The following TECPR2 variants were observed in gnomAD, a reference collection of about 807,000 sequenced individuals.
TECPR2 encodes tectonin beta-propeller repeat containing 2.
TECPR2 carries 65 observed loss-of-function variants against 138.1 expected under a neutral mutation model. The observed-to-expected ratio is 0.47, with a 90% CI of 0.39 to 0.58. The LOEUF is 0.58. Ranked by LOEUF, TECPR2 falls within the 20% of genes least tolerant of loss-of-function variation. The pLI is 0.00. For missense variants in TECPR2, 1,553 were observed against 1,824.5 expected (o/e 0.85, Z 2.71); for synonymous variants, 746 against 749.8 (o/e 0.99, Z 0.08).
chr14:102,487,106 A>C (rs190258647), intron 17 of TECPR2, among the ~76,000 whole-genome samples: 1 of 152,202 alleles, frequency 6.6e-6, no homozygotes, highest in Non-Finnish European at 1.5e-5. Context: ...CGGGGATTCA[A>C]GGTTAAAACA....
Position 102,497,731 on chromosome 14 carries a change from G to A in TECPR2, c.4081+12G>A. 1 of 1,595,060 alleles carries A rather than the reference G, an allele frequency of 6.3e-7. No homozygotes were observed. Among genetic ancestry groups the A allele is most frequent in the Non-Finnish European group, 8.6e-7 (1 of 1,168,796 alleles). ...GTCGTGTTTCACAGGCAGGTGCCCG[G>A]GGCCAGTGGGCTTAAGGCCCCTTGG... On this transcript the variant is annotated intron_variant, in intron 19 of 19. Coordinates refer to ENST00000359520, the MANE Select transcript of TECPR2 (RefSeq NM_014844.5).
intron 7 of TECPR2, among the ~76,000 whole-genome samples, chr14:102,429,600 C>T (rs1275511476): frequency 6.6e-6 from 1 of 152,210 alleles, no homozygotes; most frequent in Non-Finnish European, 1.5e-5. Context: ...CAACAACAGC[C>T]ATGTGGACCC....
chr14:102,438,429 A>C (rs1161701843), intron 10 of TECPR2: 1 of 521,350 alleles, frequency 1.9e-6, no homozygotes, highest in Admixed American at 3.9e-5. Context: ...ATGGGTGTTC[A>C]GTTTGAGTTT....
chr14:102,410,216 AGAGT>A (rs778133860), intron 4 of TECPR2, among the ~76,000 whole-genome samples: 54 of 152,370 alleles, frequency 3.5e-4, no homozygotes, highest in Non-Finnish European at 7.3e-4. Context: ...ACAGGTGAGA[AGAGT>A]GAGTGGCATT....
chr14:102,496,469 G>A (rs1280889653), intron 17 of TECPR2, among the ~76,000 whole-genome samples: 1 of 152,234 alleles, frequency 6.6e-6, no homozygotes, highest in Non-Finnish European at 1.5e-5. Flanking sequence ...ACCAGGGCAG[G>A]GCGGCAGTCT....
chr14:102,475,263 G>C (rs1301990810), intron 17 of TECPR2, among the ~76,000 whole-genome samples: 6 of 152,234 alleles, frequency 3.9e-5, no homozygotes, highest in Non-Finnish European at 2.9e-5. Context: ...GAGGGGACAT[G>C]AAGTATAGGC....
chr14:102,402,663 G>A (rs1285452179), intron 2 of TECPR2, among the ~76,000 whole-genome samples: 1 of 152,036 alleles, frequency 6.6e-6, no homozygotes, highest in African/African-American at 2.4e-5. Context: ...GGATCAAGAA[G>A]AAATGAGAGA....
intron 17 of TECPR2, among the ~76,000 whole-genome samples, chr14:102,478,528 A>G (rs1027210488): frequency 6.6e-6 from 1 of 151,678 alleles, no homozygotes; most frequent in African/African-American, 2.4e-5. Context: ...GAAAAATACA[A>G]AAGTTAGCCA....
At position 102,449,709 on chromosome 14, in the gene TECPR2, A is replaced by G; in HGVS notation, c.3156A>G (p.Thr1052=). 6.2e-7 allele frequency: 1 copy of G among 1,614,206 alleles called. No homozygotes were observed. ...TCCATGCCACTCACTCGGTGGCCAC[A>G]GCAGCCCAAGCCCCCGTAGAAAAGG... ...TIIHATHSVA[T]AAQAPVEKVA... Residue 1052 remains threonine, a synonymous_variant, in exon 14 of 20, where the codon ACA becomes ACG. Transcript: ENST00000359520.
At chr14:102,463,309 T>C (rs34642270) in intron 16 of TECPR2, among the ~76,000 whole-genome samples, 32,424 of 144,340 alleles carry the variant, frequency 0.22, 3,854 homozygotes, top group Middle Eastern at 0.34. Flanking sequence ...CCCAGCTACT[T>C]GGGAGGCTGA....
intron 1 of TECPR2, among the ~76,000 whole-genome samples, chr14:102,363,867 T>C (rs1887267110): frequency 6.6e-6 from 1 of 152,206 alleles, no homozygotes; most frequent in Non-Finnish European, 1.5e-5. Context: ...TACATTTCAG[T>C]AAAGGGGAGC....
At position 102,407,331 on chromosome 14, in the gene TECPR2, T is replaced by G. The variant is rs936307301; in HGVS notation, c.220-7T>G. The G allele has an allele frequency of 1.9e-6, 3 of 1,588,808 alleles. No individual in the cohort carries two copies. In the East Asian group the frequency reaches 6.8e-5, roughly 36 times the overall value. On this transcript the variant is annotated splice_polypyrimidine_tract_variant and splice_region_variant and intron_variant, in intron 2 of 19. Transcript: ENST00000359520. ...TACAGATTCATTTGTTTTCAACGTT[T>G]CCCCAGGGGAAGACGGAATCTATCA...
intron 2 of TECPR2, among the ~76,000 whole-genome samples, chr14:102,396,866 G>A (rs1888329612): frequency 6.6e-6 from 1 of 152,160 alleles, no homozygotes; most frequent in African/African-American, 2.4e-5. Context: ...ACTGCTGATT[G>A]CTGCTTCTGA....
intron 2 of TECPR2, among the ~76,000 whole-genome samples, chr14:102,404,076 TA>T (rs1888577950): frequency 6.6e-6 from 1 of 150,568 alleles, no homozygotes; most frequent in African/African-American, 2.4e-5. Context: ...TTTTTTTTTT[TA>T]ATTTTTTGTA....
intron 16 of TECPR2, among the ~76,000 whole-genome samples, chr14:102,458,859 T>G (rs1890337550): frequency 6.6e-6 from 1 of 151,126 alleles, no homozygotes; most frequent in Non-Finnish European, 1.5e-5. Flanking sequence ...CCTGTTGTCC[T>G]AGCTACTTGG....
intron 1 of TECPR2, among the ~76,000 whole-genome samples, chr14:102,364,447 C>T (rs994199389): frequency 2.6e-5 from 4 of 152,192 alleles, no homozygotes; most frequent in East Asian, 1.9e-4. Context: ...CAGACCCTTC[C>T]TGAGGTCACT....
At chr14:102,487,155 G>C (rs551535458) in intron 17 of TECPR2, among the ~76,000 whole-genome samples, 2 of 152,346 alleles carry the variant, frequency 1.3e-5, no homozygotes, top group South Asian at 4.1e-4. Context: ...AAAAGGCAGT[G>C]TGGAAAGCAC....
intron 16 of TECPR2, among the ~76,000 whole-genome samples, chr14:102,463,105 T>TG (rs35390094): frequency 9.2e-5 from 14 of 152,090 alleles, no homozygotes; most frequent in Non-Finnish European, 1.0e-4. Flanking sequence ...GGATCTCCAT[T>TG]GGGGAAACTG....
intron 17 of TECPR2, among the ~76,000 whole-genome samples, chr14:102,467,544 C>T (rs1289422051): frequency 1.3e-5 from 2 of 151,928 alleles, no homozygotes; most frequent in African/African-American, 4.8e-5. Flanking sequence ...AGGCTGGTCT[C>T]GAACTCCTGA....
Sources: allele counts gnomAD v4.1 joint callset (sites outside exome capture counted in the v4.1 genomes callset), GRCh38; gene constraint gnomAD v4.1.1; transcripts MANE v1.5; gene names NCBI Gene and HGNC (gene_info 2026-07-23, HGNC 2026-07-21).